The following MAP4 variants were observed in gnomAD, a reference collection of about 807,000 sequenced individuals.
MAP4 encodes the protein microtubule associated protein 4, also known as microtubule-associated protein 4.
A neutral mutation model predicts 170.2 loss-of-function variants in MAP4; 76 were observed. The observed-to-expected ratio is 0.45, with a 90% CI of 0.37 to 0.54. The LOEUF (loss-of-function observed/expected upper bound fraction) is 0.54. MAP4 is among the 20% of genes least tolerant of loss of function. The probability of loss-of-function intolerance (pLI) is 0.00; values close to 1 mark genes in which losing one functional copy is unlikely to be tolerated. For synonymous variants in MAP4, 909 were observed against 994.5 expected (o/e 0.91, Z 1.62); for missense variants, 2,506 against 2,748.0 (o/e 0.91, Z 1.97).
intron 1 of MAP4, among the ~76,000 whole-genome samples, chr3:48,063,221 G>C (rs1377049599): frequency 6.6e-6 from 1 of 151,228 alleles, no homozygotes; most frequent in Non-Finnish European, 1.5e-5. Flanking sequence ...ACAACACCAA[G>C]TGCTGACAAG....
intron 1 of MAP4, among the ~76,000 whole-genome samples, chr3:48,085,074 T>C (rs1037792064): frequency 1.3e-5 from 2 of 151,994 alleles, no homozygotes; most frequent in Non-Finnish European, 2.9e-5. Context: ...CCTTTTCAAA[T>C]TGACTATATA....
intron 3 of MAP4, among the ~76,000 whole-genome samples, chr3:47,931,094 GCC>G (rs2100049561): frequency 6.6e-6 from 1 of 151,946 alleles, no homozygotes; most frequent in Admixed American, 6.6e-5. Flanking sequence ...CTGTTATCAG[GCC>G]AGGCACAATG....
Position 47,941,171 on chromosome 3 carries a change from C to G in MAP4, c.293-12821G>C, listed in dbSNP as rs1452119821. 2.9e-5 allele frequency among the ~76,000 whole-genome samples: 4 copies of G among 136,930 alleles called. No homozygotes were observed. The East Asian group carries it at 8.5e-4, about 29-fold the overall frequency. 89.8% of individuals were successfully genotyped at this position (136,930 alleles called of 152,430 possible). A position where few individuals can be genotyped will look rare whatever the true frequency, so the allele number is the denominator to read the frequency against. On this transcript the variant is annotated intron_variant, in intron 3 of 20. Transcript: ENST00000683076. ...TGGGATTACAGCGCCTGGCCAGAGC[C>G]CAGGAATTTGAGATCAGCCTGGGCA...
intron 2 of MAP4, among the ~76,000 whole-genome samples, chr3:47,981,800 A>G (rs2154293722): frequency 6.6e-6 from 1 of 151,994 alleles, no homozygotes; most frequent in South Asian, 2.1e-4. Context: ...CCATATATTT[A>G]CCTATGTGAT....
intron 8 of MAP4, 45 bp downstream of exon 8, chr3:47,914,772 G>A (rs369564582): frequency 3.7e-5 from 60 of 1,610,490 alleles, no homozygotes; most frequent in Admixed American, 6.7e-5. Flanking sequence ...CTACTCTATC[G>A]CCCCTAATTT....
intron 4 of MAP4, among the ~76,000 whole-genome samples, chr3:47,926,029 T>C (rs893910667): frequency 1.3e-5 from 2 of 148,398 alleles, no homozygotes; most frequent in Admixed American, 1.3e-4. Flanking sequence ...TATTTTTTTA[T>C]ATTTTTAGTA....
chr3:47,988,565 T>A (rs756952729), intron 2 of MAP4, among the ~76,000 whole-genome samples: 3 of 152,140 alleles, frequency 2.0e-5, no homozygotes, highest in Non-Finnish European at 4.4e-5. Context: ...AGAGTAGATG[T>A]GAAACAGTTG....
rs58814432 is a variant in MAP4, at chr3:48,030,485, T to TA, written c.-19-31607dup. Among the ~76,000 whole-genome samples, 410 of 146,024 alleles carry TA rather than the reference T, an allele frequency of 2.8e-3. 1 individual carries two copies. Among genetic ancestry groups the TA allele is most frequent in the Non-Finnish European group, 3.3e-3 (217 of 66,636 alleles). ...AGTTAGGAAGTGCTAAAAATAAAAATAAAAAAAAAAAAACAACGATAGGGG... is the reference window on the plus strand; with the variant it reads ...AGTTAGGAAGTGCTAAAAATAAAAATAAAAAAAAAAAAAACAACGATAGGGG... On this transcript the variant is annotated intron_variant, in intron 1 of 18. Coordinates refer to the MAP4 transcript ENST00000360240.
At chr3:48,085,880 G>A (rs2100148735) in intron 1 of MAP4, among the ~76,000 whole-genome samples, 1 of 151,774 alleles carries the variant, frequency 6.6e-6, no homozygotes, top group South Asian at 2.1e-4. Context: ...GTGAAACCCT[G>A]TCTCTACTAA....
intron 5 of MAP4, among the ~76,000 whole-genome samples, chr3:47,921,564 G>C (rs2100042876): frequency 6.6e-6 from 1 of 152,050 alleles, no homozygotes; most frequent in Non-Finnish European, 1.5e-5. Context: ...AGCTATATAA[G>C]GTGGAATTCT....
intron 1 of MAP4, among the ~76,000 whole-genome samples, chr3:48,012,688 C>T (rs1413808252): frequency 1.3e-5 from 2 of 152,066 alleles, no homozygotes; most frequent in Non-Finnish European, 2.9e-5. Context: ...TCTCAGATGA[C>T]TTCCTGGGCT....
intron 1 of MAP4, among the ~76,000 whole-genome samples, chr3:48,072,995 CTGAAGCTGGTGGATCACT>C (rs1361913313): frequency 6.6e-6 from 1 of 152,026 alleles, no homozygotes; most frequent in Non-Finnish European, 1.5e-5. Context: ...CTTTGGGAGG[CTGAAGCTGGTGGATCACT>C]TGAGGTCAGG....
At chr3:47,973,002 G>C in intron 3 of MAP4, 1 of 984,214 alleles carries the variant, frequency 1.0e-6, no homozygotes, top group Non-Finnish European at 1.2e-6. Context: ...CTAGAACTTG[G>C]GCCTCAAGTC....
chr3:48,086,013 C>T (rs909129773), intron 1 of MAP4, among the ~76,000 whole-genome samples: 2 of 152,060 alleles, frequency 1.3e-5, no homozygotes, highest in Non-Finnish European at 2.9e-5. Flanking sequence ...GATCGTGCCA[C>T]TGCACTCCAG....
At position 48,061,115 on chromosome 3, in the gene MAP4, G is replaced by A. The variant is rs181219398; in HGVS notation, c.-20+27658C>T. On this transcript the variant is annotated intron_variant, in intron 1 of 18. Coordinates refer to the MAP4 transcript ENST00000360240. Reference sequence around the variant, plus strand: ...CCACCTCGGCCTTCCAAAGTGCTGGGATTACAGGCGTGAGCCACCGCGCCT... The same window carrying A: ...CCACCTCGGCCTTCCAAAGTGCTGGAATTACAGGCGTGAGCCACCGCGCCT... 4.6e-3 allele frequency among the ~76,000 whole-genome samples: 703 copies of A among 152,076 alleles called. 20 individuals carry two copies. The highest frequency in any genetic ancestry group is 0.041 in the Admixed American group (627 of 15,262).
At chr3:48,004,053 C>T (rs919180476) in intron 1 of MAP4, among the ~76,000 whole-genome samples, 1 of 152,140 alleles carries the variant, frequency 6.6e-6, no homozygotes, top group Non-Finnish European at 1.5e-5. Context: ...TAAGTCAATA[C>T]TTACTAAATT....
At chr3:48,051,596 A>C (rs2154549337) in intron 1 of MAP4, among the ~76,000 whole-genome samples, 1 of 152,314 alleles carries the variant, frequency 6.6e-6, no homozygotes, top group Non-Finnish European at 1.5e-5. Flanking sequence ...AAGAGGGAAT[A>C]GTCTATACAG....
At chr3:47,970,350 T>G (rs961363740) in intron 3 of MAP4, among the ~76,000 whole-genome samples, 3 of 151,546 alleles carry the variant, frequency 2.0e-5, no homozygotes, top group Non-Finnish European at 4.4e-5. Flanking sequence ...CCAGGTATGG[T>G]GGCGTGTGCC....
rs1270595618 is a variant in MAP4 at position 47,936,988 on chromosome 3, AAAAAAAAAAG to A, written c.293-8648_293-8639del. ...AGAGCGAAACTCCGTCTCAAAAAAA[AAAAAAAAAAG>A]AAAAGAAAGAAAACAGAATCAGGAG... On this transcript the variant is annotated intron_variant, in intron 3 of 20. Coordinates refer to ENST00000683076, the MANE Select transcript of MAP4 (RefSeq NM_001385682.1). Among the ~76,000 whole-genome samples, 6 of 151,726 alleles carry A rather than the reference AAAAAAAAAAG, an allele frequency of 4.0e-5. No individual in the cohort carries two copies. In the East Asian group the frequency reaches 1.2e-3, roughly 29 times the overall value.
Sources: allele counts gnomAD v4.1 joint callset (sites outside exome capture counted in the v4.1 genomes callset), GRCh38; gene constraint gnomAD v4.1.1; transcripts MANE v1.5; gene names NCBI Gene and HGNC (gene_info 2026-07-23, HGNC 2026-07-21).